The following RSF1 variants were observed in gnomAD, a reference collection of about 807,000 sequenced individuals.
RSF1 encodes remodeling and spacing factor 1.
RSF1 carries 13 observed loss-of-function variants against 145.2 expected under a neutral mutation model. The observed-to-expected ratio is 0.09, with a 90% CI of 0.06 to 0.14. The LOEUF is 0.14. Among genes scored for constraint, RSF1 ranks in the 10% least tolerant of loss-of-function variants. RSF1 has a pLI of 1.00. For missense variants in RSF1, 1,517 were observed against 1,718.2 expected (o/e 0.88, Z 2.07); for synonymous variants, 577 against 592.6 (o/e 0.97, Z 0.38).
At chr11:77,669,672 G>A (rs1370993454) in intron 15 of RSF1, among the ~76,000 whole-genome samples, 1 of 152,174 alleles carries the variant, frequency 6.6e-6, no homozygotes, top group Non-Finnish European at 1.5e-5. Flanking sequence ...CATATAATCA[G>A]TGCAGAAAGT....
the RSF1 span, among the ~76,000 whole-genome samples, chr11:77,835,075 T>C: frequency 2.6e-5 from 4 of 152,236 alleles, no homozygotes; most frequent in African/African-American, 9.6e-5. Flanking sequence ...CCTTGAAATC[T>C]CTACTTTTAA....
chr11:77,785,002 C>G (rs768487225), intron 1 of RSF1, among the ~76,000 whole-genome samples: 1 of 152,204 alleles, frequency 6.6e-6, no homozygotes, highest in Non-Finnish European at 1.5e-5. Context: ...GCTGCCTAAG[C>G]CTCTTGAAAT....
chr11:77,827,086 CAG>C, the RSF1 span, among the ~76,000 whole-genome samples: 3 of 148,222 alleles, frequency 2.0e-5, no homozygotes, highest in Non-Finnish European at 4.4e-5. Context: ...GCCTGGGTGA[CAG>C]AGCGAAACTC....
chr11:77,720,680 A>T (rs1960922744), intron 5 of RSF1, among the ~76,000 whole-genome samples: 2 of 152,208 alleles, frequency 1.3e-5, no homozygotes, highest in South Asian at 2.1e-4. Context: ...GTATAATCAG[A>T]CTTTCATGGG....
chr11:77,837,462 T>A, the RSF1 span, among the ~76,000 whole-genome samples: 1 of 146,146 alleles, frequency 6.8e-6, no homozygotes, highest in Non-Finnish European at 1.5e-5. Flanking sequence ...TTTGTTTGTT[T>A]GTTTGTTTTT....
the RSF1 span, among the ~76,000 whole-genome samples, chr11:77,871,901 G>C: frequency 1.3e-5 from 2 of 152,216 alleles, no homozygotes; most frequent in African/African-American, 4.8e-5. Context: ...TACAGTGCTA[G>C]TAAGGATGTA....
chr11:77,810,227 A>G (rs1948717107), intron 1 of RSF1, among the ~76,000 whole-genome samples: 1 of 152,184 alleles, frequency 6.6e-6, no homozygotes, highest in Non-Finnish European at 1.5e-5. Context: ...CCACTTGGAT[A>G]AGACTTTGAG....
chr11:77,668,147 G>A (rs1373288923), intron 15 of RSF1, among the ~76,000 whole-genome samples: 1 of 151,788 alleles, frequency 6.6e-6, no homozygotes, highest in African/African-American at 2.4e-5. Flanking sequence ...ACAGGTGTGT[G>A]TGCCGCCACA....
chr11:77,783,262 A>G (rs776914066), intron 1 of RSF1, among the ~76,000 whole-genome samples: 10 of 152,200 alleles, frequency 6.6e-5, no homozygotes. Context: ...GAAATTTGCA[A>G]TACATGGTGA....
the RSF1 span, chr11:77,872,018 G>T: frequency 1.6e-6 from 1 of 606,250 alleles, no homozygotes. Flanking sequence ...TGACTCATTG[G>T]GGCTCACTGC....
rs1297513427 is a variant in RSF1 at position 77,744,308 on chromosome 11, C to T, written c.372+2728G>A. Among the ~76,000 whole-genome samples, 8 of 151,360 alleles carry T rather than the reference C, an allele frequency of 5.3e-5. 1 individual carries two copies. Among genetic ancestry groups the T allele is most frequent in the South Asian group, 2.1e-4 (1 of 4,782 alleles). ...CCTCCCAAAGTGCTGGGATTACAGG[C>T]GTGAGCCACCCCGCCTGGCTTATTT... On this transcript the variant is annotated intron_variant, in intron 3 of 15. Transcript: ENST00000308488.
chr11:77,704,278 T>C (rs1018947494), intron 5 of RSF1, among the ~76,000 whole-genome samples: 1 of 152,102 alleles, frequency 6.6e-6, no homozygotes, highest in Non-Finnish European at 1.5e-5. Context: ...CCTGGATACA[T>C]TCCAGCCTGG....
At chr11:77,847,052 A>T in the RSF1 span, among the ~76,000 whole-genome samples, 413 of 152,298 alleles carry the variant, frequency 2.7e-3, no homozygotes, top group African/African-American at 8.8e-3. Context: ...TATGGTTATA[A>T]ATTATCAGGG....
chr11:77,737,485 AACAAC>A (rs1056457798), intron 4 of RSF1, among the ~76,000 whole-genome samples: 1 of 151,324 alleles, frequency 6.6e-6, no homozygotes, highest in African/African-American at 2.4e-5. Flanking sequence ...CAACAACAAC[AACAAC>A]AAAAAAACGG....
At chr11:77,854,136 G>A in the RSF1 span, among the ~76,000 whole-genome samples, 11 of 151,452 alleles carry the variant, frequency 7.3e-5, no homozygotes, top group East Asian at 2.0e-4. Context: ...GACTACAGGC[G>A]CCCGCCACCA....
intron 9 of RSF1, among the ~76,000 whole-genome samples, chr11:77,686,095 T>G (rs959281559): frequency 7.9e-5 from 12 of 152,048 alleles, no homozygotes; most frequent in African/African-American, 2.9e-4. Context: ...AAACAAACCT[T>G]TGTTGATTTT....
intron 1 of RSF1, among the ~76,000 whole-genome samples, chr11:77,801,806 G>A (rs1451274927): frequency 1.3e-5 from 2 of 151,952 alleles, no homozygotes; most frequent in East Asian, 1.9e-4. Flanking sequence ...TCCAGAGAGC[G>A]AAGAGAGTCT....
chr11:77,706,315 T>C (rs569852230), intron 5 of RSF1, among the ~76,000 whole-genome samples: 2 of 152,096 alleles, frequency 1.3e-5, no homozygotes, highest in Non-Finnish European at 2.9e-5. Flanking sequence ...ACCTCCACCT[T>C]GGCCAGCTGT....
At chr11:77,751,385 C>G (rs1046681461) in intron 2 of RSF1, among the ~76,000 whole-genome samples, 2 of 152,200 alleles carry the variant, frequency 1.3e-5, no homozygotes, top group South Asian at 4.1e-4. Flanking sequence ...CCAAGGCTCT[C>G]AAAGGAATTT....
Sources: allele counts gnomAD v4.1 joint callset (sites outside exome capture counted in the v4.1 genomes callset), GRCh38; gene constraint gnomAD v4.1.1; transcripts MANE v1.5; gene names NCBI Gene and HGNC (gene_info 2026-07-23, HGNC 2026-07-21).